Variants in STK32A observed in about 807,000 individuals in gnomAD.
The protein encoded by STK32A is serine/threonine kinase 32A, also known as serine/threonine-protein kinase 32A.
Under a neutral mutation model 53.2 loss-of-function variants are expected in STK32A, and 41 were observed. That is an observed-to-expected ratio of 0.77 (90% CI 0.60 to 1.00). The LOEUF (loss-of-function observed/expected upper bound fraction) is 1.00, where lower values mean the gene tolerates loss of function less well. STK32A is among the 50% of genes least tolerant of loss of function. STK32A has a pLI of 0.00. For synonymous variants in STK32A, 166 were observed against 162.8 expected (o/e 1.02, Z -0.15); for missense variants, 458 against 485.8 (o/e 0.94, Z 0.54).
In STK32A at chr5:147,279,348, G is replaced by T; in HGVS notation, c.210G>T (p.Lys70Asn). The T allele has an allele frequency of 6.2e-7, 1 of 1,611,966 alleles. No individual in the cohort carries two copies. Residue 70 changes from lysine (K) to asparagine (N), a missense_variant, in exon 4 of 13, where the codon AAG (lysine) becomes AAT (asparagine). Physicochemically the swap from Lys to Asn is moderately conservative, Grantham distance 94. Coordinates refer to ENST00000397936, the MANE Select transcript of STK32A (RefSeq NM_001112724.2). ...VERNEVRNVF[K>N]ELQIMQGLEH... ...GCAATGAAGTGAGAAATGTCTTCAA[G>T]GAACTCCAGATCATGCAGGGTCTGG...
intron 8 of STK32A, among the ~76,000 whole-genome samples, chr5:147,367,253 T>C (rs571413629): frequency 5.3e-5 from 8 of 151,636 alleles, no homozygotes; most frequent in African/African-American, 1.2e-4. Flanking sequence ...TTTTGTAGAG[T>C]TGGGGTCTTA....
chr5:147,354,111 A>C (rs945386399), intron 7 of STK32A, among the ~76,000 whole-genome samples: 2 of 152,082 alleles, frequency 1.3e-5, no homozygotes, highest in African/African-American at 4.8e-5. Context: ...ATTTTCTATG[A>C]TATTTGAACA....
chr5:147,365,637 C>T (rs1282867798), intron 8 of STK32A, among the ~76,000 whole-genome samples: 1 of 151,768 alleles, frequency 6.6e-6, no homozygotes, highest in Non-Finnish European at 1.5e-5. Context: ...TAATTTTTTT[C>T]TCCCCAGCCA....
intron 1 of STK32A, among the ~76,000 whole-genome samples, chr5:147,238,060 C>T (rs2151936591): frequency 6.6e-6 from 1 of 152,284 alleles, no homozygotes; most frequent in African/African-American, 2.4e-5. Flanking sequence ...TGCCAATTAC[C>T]TTATATACAT....
chr5:147,316,324 T>C (rs1425330685), intron 4 of STK32A, among the ~76,000 whole-genome samples: 1 of 152,200 alleles, frequency 6.6e-6, no homozygotes, highest in Non-Finnish European at 1.5e-5. Flanking sequence ...TGTATATTTA[T>C]AACTATACAT....
At chr5:147,266,855 C>A (rs1754833633) in intron 2 of STK32A, among the ~76,000 whole-genome samples, 1 of 151,998 alleles carries the variant, frequency 6.6e-6, no homozygotes, top group African/African-American at 2.4e-5. Flanking sequence ...GAAACCCTGC[C>A]TCTCCTAAAA....
intron 2 of STK32A, among the ~76,000 whole-genome samples, chr5:147,268,342 G>A (rs933098605): frequency 6.6e-6 from 1 of 152,112 alleles, no homozygotes; most frequent in African/African-American, 2.4e-5. Flanking sequence ...CCTCTAGGAT[G>A]CTTTGCAGGA....
At chr5:147,248,399 C>A (rs907650552) in intron 2 of STK32A, among the ~76,000 whole-genome samples, 1 of 152,008 alleles carries the variant, frequency 6.6e-6, no homozygotes, top group Non-Finnish European at 1.5e-5. Context: ...ATACTTGGGC[C>A]AATAAATCTA....
intron 5 of STK32A, among the ~76,000 whole-genome samples, chr5:147,334,654 G>A (rs1755029577): frequency 6.6e-6 from 1 of 152,170 alleles, no homozygotes; most frequent in Non-Finnish European, 1.5e-5. Context: ...AAAGGGCTTA[G>A]CCTGGTTTCT....
intron 6 of STK32A, among the ~76,000 whole-genome samples, chr5:147,349,274 T>C (rs1755840471): frequency 6.6e-6 from 1 of 152,178 alleles, no homozygotes; most frequent in Non-Finnish European, 1.5e-5. Context: ...AATAAAATCC[T>C]GGTGATAAAG....
Position 147,239,693 on chromosome 5 carries a change from A to T in STK32A, c.52+7A>T. ...TTTGATGAAAATGAAGATGGTAAGA[A>T]ATATGGGATAGTGGCATATAAAAAA... On this transcript the variant is annotated splice_region_variant and intron_variant, in intron 2 of 12. Coordinates refer to ENST00000397936, the MANE Select transcript of STK32A (RefSeq NM_001112724.2). 1 of 1,600,968 alleles carries T rather than the reference A, an allele frequency of 6.2e-7. No individual in the cohort carries two copies. Among genetic ancestry groups the T allele is most frequent in the Non-Finnish European group, 8.5e-7 (1 of 1,172,300 alleles).
chr5:147,384,516 T>A lies in STK32A; in HGVS notation c.*533T>A. The A allele has an allele frequency of 8.2e-7, 1 of 1,225,284 alleles. No individual in the cohort carries two copies. The highest frequency in any genetic ancestry group is 1.1e-6 in the Non-Finnish European group (1 of 871,336). 75.9% of individuals were successfully genotyped at this position (1,225,284 alleles called of 1,614,324 possible). ...GGCATGAATGGAATCAGATTAAAAG[T>A]AACAGAGATGGATGAGGGCCTTCCA... On this transcript the variant is annotated 3_prime_UTR_variant, in exon 13 of 13. Coordinates refer to ENST00000397936, the MANE Select transcript of STK32A (RefSeq NM_001112724.2).
At position 147,239,622 on chromosome 5, in the gene STK32A, G is replaced by A; in HGVS notation, c.-13G>A. On this transcript the variant is annotated 5_prime_UTR_variant, in exon 2 of 13. Coordinates refer to ENST00000397936, the MANE Select transcript of STK32A (RefSeq NM_001112724.2). The stretch of plus-strand genomic sequence containing the variant: ...AGTATAAATCGAGGATCCAGGTCTG[G>A]GCAGATTCAACCATGGGAGCGAACA... The A allele has an allele frequency of 3.1e-6, 5 of 1,602,632 alleles. No homozygotes were observed. The highest frequency in any genetic ancestry group is 4.3e-6 in the Non-Finnish European group (5 of 1,173,776).
rs1554099042 is a variant in STK32A at position 147,249,908 on chromosome 5, C to CGAAAA, written c.52+10222_52+10223insGAAAA. On this transcript the variant is annotated intron_variant, in intron 2 of 12. Coordinates refer to ENST00000397936, the MANE Select transcript of STK32A (RefSeq NM_001112724.2). ...TGGGCAACAGAGTAAGCCTCTGTCTCAAAAAAAAAAAAAAAAAAAAAAAAG... is the reference window on the plus strand; with the variant it reads ...TGGGCAACAGAGTAAGCCTCTGTCTCGAAAAAAAAAAAAAAAAAAAAAAAAAAAAG... Among the ~76,000 whole-genome samples, 38 of 58,582 alleles carry CGAAAA rather than the reference C, an allele frequency of 6.5e-4. 2 individuals carry two copies. Among genetic ancestry groups the CGAAAA allele is most frequent in the African/African-American group, 2.5e-3 (37 of 14,856 alleles). 38.4% of individuals were successfully genotyped at this position (58,582 alleles called of 152,430 possible).
chr5:147,324,108 G>A (rs993479300), intron 5 of STK32A, 37 bp downstream of exon 5: 6 of 1,541,144 alleles, frequency 3.9e-6, no homozygotes, highest in African/African-American at 2.7e-5. Context: ...TGAACGTAAC[G>A]CAAGGAGAGA....
chr5:147,303,506 G>A (rs1753242391), intron 4 of STK32A, among the ~76,000 whole-genome samples: 2 of 152,268 alleles, frequency 1.3e-5, no homozygotes, highest in South Asian at 4.1e-4. Context: ...ATTGGCTAAA[G>A]TAAATCACGA....
At position 147,384,710 on chromosome 5, in the gene STK32A, T is replaced by C; in HGVS notation, c.*727T>C. ...TGGTAAATGCTCGTTTTTTCCCTCC[T>C]AACAAGTGAATTGCTAAATATTAGC... On this transcript the variant is annotated 3_prime_UTR_variant, in exon 13 of 13. Coordinates refer to ENST00000397936, the MANE Select transcript of STK32A (RefSeq NM_001112724.2). 2 of 360,350 alleles carry C rather than the reference T, an allele frequency of 5.6e-6. No individual in the cohort carries two copies. The highest frequency in any genetic ancestry group is 5.0e-6 in the Non-Finnish European group (1 of 200,924). The allele number at this position is 360,350 out of a possible 1,614,324, so 22.3% of individuals were successfully genotyped here.
chr5:147,367,560 A>T (rs1225691662), intron 8 of STK32A, among the ~76,000 whole-genome samples: 5 of 151,982 alleles, frequency 3.3e-5, no homozygotes, highest in Non-Finnish European at 2.9e-5. Flanking sequence ...AGGTAAAGGA[A>T]AAAGGGGGGT....
In STK32A at chr5:147,334,941, C is replaced by T. The variant is rs116438754; in HGVS notation, c.435-8065C>T. Reference sequence around the variant, plus strand: ...ACCTGAATACGCAGATATTTCCAAACCCATATATACTATGTTTTTTCCCTT... The same window carrying T: ...ACCTGAATACGCAGATATTTCCAAATCCATATATACTATGTTTTTTCCCTT... On this transcript the variant is annotated intron_variant, in intron 5 of 12. Coordinates refer to ENST00000397936, the MANE Select transcript of STK32A (RefSeq NM_001112724.2). 6.6e-3 allele frequency among the ~76,000 whole-genome samples: 1,002 copies of T among 152,282 alleles called. 10 individuals are homozygous for T. Among genetic ancestry groups the T allele is most frequent in the African/African-American group, 0.022 (932 of 41,534 alleles).
Sources: gnomAD v4.1 joint callset for allele counts (sites outside exome capture counted in the v4.1 genomes callset) on GRCh38, gnomAD v4.1.1 for gene constraint, MANE v1.5 for transcripts, NCBI Gene and HGNC (gene_info 2026-07-23, HGNC 2026-07-21) for gene names.